The following TESC variants were observed in gnomAD, a reference collection of about 807,000 sequenced individuals.
TESC encodes calcineurin B homologous protein 3.
In TESC, 19 loss-of-function variants were observed where a neutral mutation model predicts 31.0. The observed-to-expected ratio is 0.61, with a 90% confidence interval of 0.43 to 0.90. The LOEUF (loss-of-function observed/expected upper bound fraction) is 0.90. Among genes scored for constraint, TESC ranks in the 40% least tolerant of loss-of-function variants. TESC has a pLI of 0.00. For missense variants in TESC, 248 were observed against 303.8 expected (o/e 0.82, Z 1.36); for synonymous variants, 109 against 114.8 (o/e 0.95, Z 0.32).
intron 1 of TESC, among the ~76,000 whole-genome samples, chr12:117,075,871 G>GTGTATATATATATATATA (rs1955050222): frequency 2.2e-5 from 1 of 45,106 alleles, no homozygotes; most frequent in Non-Finnish European, 3.6e-5. Context: ...ATATATATAT[G>GTGTATATATATATATATA]TGTGTATATA....
At chr12:117,081,852 C>T (rs1041661053) in intron 1 of TESC, among the ~76,000 whole-genome samples, 2 of 151,452 alleles carry the variant, frequency 1.3e-5, no homozygotes, top group Non-Finnish European at 2.9e-5. Context: ...TGCAGCGAGC[C>T]GAGATCGTGC....
intron 1 of TESC, among the ~76,000 whole-genome samples, chr12:117,081,996 G>A (rs1955155422): frequency 6.6e-6 from 1 of 151,752 alleles, no homozygotes; most frequent in Admixed American, 6.6e-5. Context: ...AGCAGAAGTG[G>A]GAGGATCACT....
intron 6 of TESC, among the ~76,000 whole-genome samples, chr12:117,044,517 G>A (rs1198307374): frequency 6.6e-6 from 1 of 152,194 alleles, no homozygotes; most frequent in Non-Finnish European, 1.5e-5. Flanking sequence ...AGGGCGGGGA[G>A]TTGGGGGAAG....
At chr12:117,041,406 T>C (rs1565956595) in intron 7 of TESC, among the ~76,000 whole-genome samples, 1 of 152,024 alleles carries the variant, frequency 6.6e-6, no homozygotes, top group Non-Finnish European at 1.5e-5. Flanking sequence ...AATCTCAGCT[T>C]ACTGCAACCT....
At chr12:117,075,239 C>T in intron 2 of TESC, 32 bp downstream of exon 2, 1 of 1,610,322 alleles carries the variant, frequency 6.2e-7, no homozygotes, top group Non-Finnish European at 8.5e-7. Context: ...GGCATGGCCC[C>T]ACCCAGCACC....
intron 3 of TESC, among the ~76,000 whole-genome samples, chr12:117,055,912 CTTTTTTT>C (rs201228990): frequency 1.3e-3 from 187 of 139,934 alleles, no homozygotes; most frequent in African/African-American, 4.3e-3. Context: ...TTTCCTTTTC[CTTTTTTT>C]TTTTTTTTTT....
intron 2 of TESC, among the ~76,000 whole-genome samples, chr12:117,071,366 G>A (rs1439103683): frequency 6.6e-6 from 1 of 152,242 alleles, no homozygotes; most frequent in Non-Finnish European, 1.5e-5. Context: ...CTGCTGGGGT[G>A]AGGGGATGTG....
Position 117,099,355 on chromosome 12 carries a change from G to A in TESC, c.-73C>T, listed in dbSNP as rs1175800414. 5.3e-6 allele frequency: 7 copies of A among 1,327,700 alleles called. No individual in the cohort carries two copies. In the South Asian group the frequency reaches 9.1e-5, roughly 17 times the overall value. The allele number at this position is 1,327,700 out of a possible 1,614,324, so 82.2% of individuals were successfully genotyped here. ...CACTGGCTTCGGCTGCGCAGCGGCG[G>A]GACTGGCCTCGGGTCCGGCCTCGGG... On this transcript the variant is annotated 5_prime_UTR_variant, in exon 1 of 8. Coordinates refer to ENST00000335209, the MANE Select transcript of TESC (RefSeq NM_017899.4).
chr12:117,086,163 G>A (rs961494496), intron 1 of TESC, among the ~76,000 whole-genome samples: 2 of 152,186 alleles, frequency 1.3e-5, no homozygotes, highest in African/African-American at 4.8e-5. Flanking sequence ...GACTGCTAAT[G>A]GGTATGAGGT....
intron 7 of TESC, among the ~76,000 whole-genome samples, chr12:117,040,237 C>T (rs1954462182): frequency 6.6e-6 from 1 of 152,168 alleles, no homozygotes; most frequent in African/African-American, 2.4e-5. Context: ...CAGCTCTGGT[C>T]CCAGTCGAGC....
At chr12:117,069,918 G>C (rs1383977031) in intron 2 of TESC, among the ~76,000 whole-genome samples, 2 of 152,216 alleles carry the variant, frequency 1.3e-5, no homozygotes, top group Admixed American at 1.3e-4. Context: ...CGAGCCTCCT[G>C]TGGGATCCTC....
intron 3 of TESC, among the ~76,000 whole-genome samples, chr12:117,050,401 ATC>A (rs1954632031): frequency 1.3e-5 from 2 of 152,264 alleles, no homozygotes; most frequent in African/African-American, 4.8e-5. Flanking sequence ...GGCTGCAAGC[ATC>A]TCTAAGTAAT....
In TESC at chr12:117,075,351, G is replaced by A. The variant is rs1172253823; in HGVS notation, c.59-11C>T. ...TCTGATCCGATGAGACTGAGAAGTG[G>A]GGGAAAGAGAGAAAAACAAGACAGA... On this transcript the variant is annotated splice_polypyrimidine_tract_variant and intron_variant, in intron 1 of 7. Transcript: ENST00000335209. 1 of 1,606,656 alleles carries A rather than the reference G, an allele frequency of 6.2e-7. No homozygotes were observed. The highest frequency in any genetic ancestry group is 1.3e-5 in the African/African-American group (1 of 74,798).
At chr12:117,072,466 G>A (rs779655689) in intron 2 of TESC, among the ~76,000 whole-genome samples, 2 of 152,196 alleles carry the variant, frequency 1.3e-5, no homozygotes, top group Non-Finnish European at 2.9e-5. Context: ...GAGAAAGGAA[G>A]TAACCAGCCC....
At chr12:117,088,546 C>T (rs776070946) in intron 1 of TESC, among the ~76,000 whole-genome samples, 22 of 152,050 alleles carry the variant, frequency 1.4e-4, no homozygotes, top group African/African-American at 4.3e-4. Flanking sequence ...CTGGGCGTGG[C>T]GGCGCATGCC....
rs1954439457 is a variant in TESC at position 117,038,949 on chromosome 12, TTA to T, written c.*182_*183del. On this transcript the variant is annotated 3_prime_UTR_variant, in exon 8 of 8. Transcript: ENST00000335209. ...TAATTAACAAACCTTTTTTTTTTTT[TTA>T]TTGGAGATAAAAACAGCGAAGTCCC... is the stretch of plus-strand genomic sequence containing the variant. 1 of 560,246 alleles carries T rather than the reference TTA, an allele frequency of 1.8e-6. No homozygotes were observed. The highest frequency in any genetic ancestry group is 1.9e-5 in the African/African-American group (1 of 52,944). 34.7% of individuals were successfully genotyped at this position (560,246 alleles called of 1,614,324 possible).
intron 1 of TESC, among the ~76,000 whole-genome samples, chr12:117,096,076 A>G (rs1178075305): frequency 1.3e-5 from 2 of 152,040 alleles, no homozygotes; most frequent in Admixed American, 6.5e-5. Flanking sequence ...TTATGCAGAG[A>G]GCACCAGCGT....
At chr12:117,042,383 CTG>C (rs1314464829) in intron 6 of TESC, among the ~76,000 whole-genome samples, 4 of 152,170 alleles carry the variant, frequency 2.6e-5, no homozygotes, top group Admixed American at 1.3e-4. Context: ...CCCCCAGCAG[CTG>C]GACCACCAAG....
chr12:117,081,795 T>C (rs978856640), intron 1 of TESC, among the ~76,000 whole-genome samples: 6 of 151,654 alleles, frequency 4.0e-5, no homozygotes, highest in Admixed American at 3.3e-4. Context: ...TCCCAACTAC[T>C]CAGGAGGCTG....
Sources: gnomAD v4.1 joint callset for allele counts (sites outside exome capture counted in the v4.1 genomes callset) on GRCh38, gnomAD v4.1.1 for gene constraint, MANE v1.5 for transcripts, NCBI Gene and HGNC (gene_info 2026-07-23, HGNC 2026-07-21) for gene names.